Variants in PTPRD observed in about 807,000 individuals in gnomAD.
The protein encoded by PTPRD is protein tyrosine phosphatase receptor type D.
Under a neutral mutation model 214.5 loss-of-function variants are expected in PTPRD, and 34 were observed. The observed-to-expected ratio is 0.16, with a 90% confidence interval of 0.12 to 0.21. PTPRD has a LOEUF of 0.21. Ranked by LOEUF, PTPRD falls within the 10% of genes least tolerant of loss-of-function variation. PTPRD has a pLI of 1.00. For synonymous variants in PTPRD, 1,128 were observed against 845.7 expected (o/e 1.33, Z -5.79); for missense variants, 2,545 against 2,398.7 (o/e 1.06, Z -1.27).
chr9:8,355,615 G>A (rs1463335450), intron 39 of PTPRD, among the ~76,000 whole-genome samples: 3 of 152,174 alleles, frequency 2.0e-5, no homozygotes, highest in Non-Finnish European at 4.4e-5. Flanking sequence ...AAGAGCTGAA[G>A]GTTAATATTC....
chr9:9,288,785 G>A (rs903009530), intron 9 of PTPRD, among the ~76,000 whole-genome samples: 24 of 151,894 alleles, frequency 1.6e-4, no homozygotes, highest in African/African-American at 5.8e-4. Flanking sequence ...GACCCAGTGG[G>A]AGGTAATTTA....
chr9:8,720,646 AACACTAGTC>A (rs1399639245), intron 12 of PTPRD, among the ~76,000 whole-genome samples: 1 of 152,194 alleles, frequency 6.6e-6, no homozygotes, highest in Non-Finnish European at 1.5e-5. Context: ...TTTATAGTGA[AACACTAGTC>A]ACACAGAAAT....
chr9:9,567,019 G>A (rs117253736), intron 8 of PTPRD, among the ~76,000 whole-genome samples: 1 of 152,006 alleles, frequency 6.6e-6, no homozygotes, highest in Non-Finnish European at 1.5e-5. Context: ...ATTGCCGAGA[G>A]AGGTCAAGTA....
At chr9:9,614,885 G>A (rs888004646) in intron 7 of PTPRD, among the ~76,000 whole-genome samples, 1 of 152,048 alleles carries the variant, frequency 6.6e-6, no homozygotes, top group South Asian at 2.1e-4. Flanking sequence ...CCAATTTATT[G>A]CCTCAGCTCC....
At chr9:9,583,079 G>C (rs1215257913) in intron 7 of PTPRD, among the ~76,000 whole-genome samples, 2 of 151,988 alleles carry the variant, frequency 1.3e-5, no homozygotes, top group Non-Finnish European at 2.9e-5. Context: ...TGGTTGTAGT[G>C]CCTTTGATAT....
intron 9 of PTPRD, among the ~76,000 whole-genome samples, chr9:9,193,481 G>A (rs932100081): frequency 2.6e-5 from 4 of 152,076 alleles, no homozygotes; most frequent in Non-Finnish European, 4.4e-5. Context: ...TTCATTGTAT[G>A]CACACCACAG....
intron 26 of PTPRD, among the ~76,000 whole-genome samples, chr9:8,493,517 G>T (rs898070451): frequency 1.3e-5 from 2 of 152,132 alleles, no homozygotes. Flanking sequence ...CACTATAGAC[G>T]AATTTTGCCA....
rs972091810 is a variant in PTPRD at position 9,651,922 on chromosome 9, T to C, written c.-286-77141A>G. Among the ~76,000 whole-genome samples, 4 of 146,798 alleles carry C rather than the reference T, an allele frequency of 2.7e-5. No homozygotes were observed. In the Admixed American group the frequency reaches 2.7e-4, roughly 10 times the overall value. The stretch of plus-strand genomic sequence containing the variant: ...CGATCTTGGCTCACTGCAAGTTCCG[T>C]CTCCTGGGTTCACACCATTCTCCCA... On this transcript the variant is annotated intron_variant, in intron 7 of 45. Transcript: ENST00000381196.
chr9:8,866,587 C>T (rs559654007), intron 11 of PTPRD, among the ~76,000 whole-genome samples: 77 of 152,214 alleles, frequency 5.1e-4, no homozygotes, highest in Non-Finnish European at 9.3e-4. Context: ...TACCAGCATT[C>T]GACATCTACC....
chr9:10,328,366 C>T (rs1484124572), intron 3 of PTPRD, among the ~76,000 whole-genome samples: 2 of 151,648 alleles, frequency 1.3e-5, no homozygotes, highest in Non-Finnish European at 2.9e-5. Context: ...GACTGTAAAA[C>T]TGGTAGGGGG....
intron 10 of PTPRD, among the ~76,000 whole-genome samples, chr9:9,021,416 A>T (rs1425073491): frequency 6.6e-6 from 1 of 152,168 alleles, no homozygotes; most frequent in African/African-American, 2.4e-5. Context: ...CATTAAAAGT[A>T]ATGGCATTAG....
intron 7 of PTPRD, among the ~76,000 whole-genome samples, chr9:9,722,192 C>T (rs1564769899): frequency 6.6e-6 from 1 of 151,976 alleles, no homozygotes; most frequent in Middle Eastern, 3.2e-3. Flanking sequence ...AATTTTAGAA[C>T]ATTTTTTAAA....
At chr9:9,949,908 T>C (rs2093267975) in intron 4 of PTPRD, among the ~76,000 whole-genome samples, 1 of 152,194 alleles carries the variant, frequency 6.6e-6, no homozygotes, top group African/African-American at 2.4e-5. Context: ...AAGCCAGTAT[T>C]ATCAAAAAAT....
chr9:8,418,506 G>A (rs1314692358), intron 35 of PTPRD, among the ~76,000 whole-genome samples: 1 of 151,636 alleles, frequency 6.6e-6, no homozygotes, highest in Non-Finnish European at 1.5e-5. Context: ...ATACTGTCTG[G>A]TATATATCTG....
Position 9,859,015 on chromosome 9 carries a change from T to C in PTPRD, c.-368+79492A>G, listed in dbSNP as rs182626652. Among the ~76,000 whole-genome samples, 271 of 152,212 alleles carry C rather than the reference T, an allele frequency of 1.8e-3. 1 individual carries two copies. The highest frequency in any genetic ancestry group is 6.2e-3 in the African/African-American group (258 of 41,544). ...CCCCACCTGTCTAGGGAGGGACCTA[T>C]TGGGAGGTGATTGGATGATGAGGGC... On this transcript the variant is annotated intron_variant, in intron 5 of 45. Transcript: ENST00000381196.
chr9:9,954,025 G>A (rs568227249), intron 4 of PTPRD, among the ~76,000 whole-genome samples: 4 of 152,050 alleles, frequency 2.6e-5, no homozygotes, highest in South Asian at 2.1e-4. Context: ...GGCTGGTTGC[G>A]GTGGCTCATG....
intron 8 of PTPRD, among the ~76,000 whole-genome samples, chr9:9,436,001 T>C (rs1158554332): frequency 6.6e-6 from 1 of 152,170 alleles, no homozygotes; most frequent in Non-Finnish European, 1.5e-5. Flanking sequence ...GCCTGCTCAC[T>C]TTCCTGTAGA....
intron 2 of PTPRD, among the ~76,000 whole-genome samples, chr9:10,402,547 A>G (rs2098286809): frequency 6.6e-6 from 1 of 151,730 alleles, no homozygotes; most frequent in Non-Finnish European, 1.5e-5. Flanking sequence ...GTCATAGTAA[A>G]ATATCTTTTT....
At chr9:9,330,763 G>A (rs553227899) in intron 9 of PTPRD, among the ~76,000 whole-genome samples, 96 of 151,678 alleles carry the variant, frequency 6.3e-4, no homozygotes, top group African/African-American at 2.2e-3. Flanking sequence ...TTTGCTTAGG[G>A]GAATAAGTGA....
Sources: allele counts gnomAD v4.1 joint callset (sites outside exome capture counted in the v4.1 genomes callset), GRCh38; gene constraint gnomAD v4.1.1; transcripts MANE v1.5; gene names NCBI Gene and HGNC (gene_info 2026-07-23, HGNC 2026-07-21).